TBC1D22A: variants seen among roughly 807,000 people sequenced by gnomAD.
TBC1D22A encodes TBC1 domain family member 22A.
A neutral mutation model predicts 60.2 loss-of-function variants in TBC1D22A; 38 were observed. That is an observed-to-expected ratio of 0.63 (90% CI 0.49 to 0.83). The LOEUF is 0.83. TBC1D22A is among the 40% of genes least tolerant of loss of function. TBC1D22A has a pLI of 0.00. For synonymous variants in TBC1D22A, 302 were observed against 281.7 expected, an observed-to-expected ratio of 1.07 and a Z score of -0.72; for missense variants, 628 against 701.0, an observed-to-expected ratio of 0.90 and a Z score of 1.18.
At position 46,886,441 on chromosome 22, in the gene TBC1D22A, A is replaced by G. The variant is rs922631352; in HGVS notation, c.709-4825A>G. On this transcript the variant is annotated intron_variant, in intron 5 of 12. Coordinates refer to ENST00000337137, the MANE Select transcript of TBC1D22A (RefSeq NM_014346.5). Reference sequence around the variant, plus strand: ...GTTCTCCTCTGGGGCACCTCCTCCCATTGGGTTGGGGATGCGTCTGACACG... The same window carrying G: ...GTTCTCCTCTGGGGCACCTCCTCCCGTTGGGTTGGGGATGCGTCTGACACG... Among the ~76,000 whole-genome samples the G allele has an allele frequency of 1.1e-4, 17 of 152,066 alleles. 2 individuals carry two copies. The highest frequency in any genetic ancestry group is 7.2e-4 in the Admixed American group (11 of 15,286).
intron 11 of TBC1D22A, among the ~76,000 whole-genome samples, chr22:47,059,264 C>G (rs1163007099): frequency 6.6e-6 from 1 of 152,252 alleles, no homozygotes; most frequent in Non-Finnish European, 1.5e-5. Context: ...CTTGAACACA[C>G]TGGTGTGGGT....
intron 10 of TBC1D22A, among the ~76,000 whole-genome samples, chr22:47,024,378 G>C (rs1039184432): frequency 6.6e-6 from 1 of 152,194 alleles, no homozygotes; most frequent in Non-Finnish European, 1.5e-5. Context: ...ATCAGTAGGT[G>C]TGTTCAATGC....
chr22:46,768,556 C>T lies in TBC1D22A; in HGVS notation c.62+5708C>T, dbSNP rs900850407. 5.3e-5 allele frequency among the ~76,000 whole-genome samples: 8 copies of T among 151,526 alleles called. No individual in the cohort carries two copies. The East Asian group carries it at 7.8e-4, about 15-fold the overall frequency. ...CTGACTGTCTGGGCTGGTTCTTTCC[C>T]GGGCCGCTGACTCTCTTGGCTCCCG... On this transcript the variant is annotated intron_variant, in intron 1 of 12. Transcript: ENST00000337137.
intron 8 of TBC1D22A, among the ~76,000 whole-genome samples, chr22:46,943,299 C>T (rs1056487126): frequency 3.3e-5 from 5 of 152,192 alleles, no homozygotes; most frequent in African/African-American, 1.2e-4. Context: ...GGAGGCTGCC[C>T]AGCTGTCCTA....
chr22:46,997,072 C>A (rs576120123), intron 9 of TBC1D22A, among the ~76,000 whole-genome samples: 26 of 152,332 alleles, frequency 1.7e-4, no homozygotes, highest in South Asian at 8.3e-4. Context: ...GCTATGCAGA[C>A]CTTCCTATGT....
At chr22:46,909,106 C>T (rs2069706718) in intron 7 of TBC1D22A, among the ~76,000 whole-genome samples, 1 of 152,136 alleles carries the variant, frequency 6.6e-6, no homozygotes, top group Non-Finnish European at 1.5e-5. Flanking sequence ...TCCTATTTGC[C>T]AAATTGGTTT....
intron 4 of TBC1D22A, among the ~76,000 whole-genome samples, chr22:46,809,805 G>A (rs112132076): frequency 2.8e-3 from 431 of 152,158 alleles, no homozygotes; most frequent in African/African-American, 9.3e-3. Context: ...TGTTCTTACC[G>A]TCGTTTTCCT....
At chr22:47,038,403 G>A (rs1007616906) in intron 11 of TBC1D22A, among the ~76,000 whole-genome samples, 27 of 152,208 alleles carry the variant, frequency 1.8e-4, no homozygotes, top group Non-Finnish European at 1.0e-4. Context: ...CAGGCACTGC[G>A]TTGGGTCCCA....
intron 11 of TBC1D22A, among the ~76,000 whole-genome samples, chr22:47,045,917 C>A (rs181207538): frequency 6.6e-6 from 1 of 152,208 alleles, no homozygotes; most frequent in Admixed American, 6.5e-5. Context: ...GGCACTGCAC[C>A]CCCACAGCAC....
intron 7 of TBC1D22A, among the ~76,000 whole-genome samples, chr22:46,897,551 A>T (rs1212000808): frequency 6.8e-6 from 1 of 147,478 alleles, no homozygotes; most frequent in Non-Finnish European, 1.5e-5. Context: ...TCTGCCACGC[A>T]GAAGAGGGGT....
chr22:46,933,648 C>T (rs1273988734), intron 8 of TBC1D22A, among the ~76,000 whole-genome samples: 1 of 152,118 alleles, frequency 6.6e-6, no homozygotes, highest in Non-Finnish European at 1.5e-5. Flanking sequence ...GCCCCCTGTG[C>T]CAGGGTGGCA....
intron 4 of TBC1D22A, among the ~76,000 whole-genome samples, chr22:46,848,269 C>T (rs376413341): frequency 6.6e-5 from 10 of 152,222 alleles, no homozygotes; most frequent in African/African-American, 9.6e-5. Context: ...GAACTCAGGT[C>T]GTCCTCCACC....
intron 4 of TBC1D22A, among the ~76,000 whole-genome samples, chr22:46,838,756 A>G (rs1480998765): frequency 6.6e-6 from 1 of 152,248 alleles, no homozygotes; most frequent in Non-Finnish European, 1.5e-5. Flanking sequence ...ATGGTTCTAC[A>G]CACACAAGTC....
chr22:47,063,387 G>T (rs1279292631), intron 11 of TBC1D22A, among the ~76,000 whole-genome samples: 2 of 152,272 alleles, frequency 1.3e-5, no homozygotes, highest in Non-Finnish European at 2.9e-5. Context: ...GTTAGGCCCG[G>T]CCTCGTCCTG....
At chr22:46,945,000 G>A (rs1209955760) in intron 8 of TBC1D22A, among the ~76,000 whole-genome samples, 1 of 152,140 alleles carries the variant, frequency 6.6e-6, no homozygotes, top group East Asian at 1.9e-4. Flanking sequence ...AGAGATTGAA[G>A]GAAAATCTGG....
Position 46,952,333 on chromosome 22 carries a change from C to T in TBC1D22A, c.1016-21957C>T, listed in dbSNP as rs184833049. Among the ~76,000 whole-genome samples, 64 of 119,878 alleles carry T rather than the reference C, an allele frequency of 5.3e-4. 2 individuals are homozygous for T. In the East Asian group the frequency reaches 9.0e-3, roughly 17 times the overall value. The allele number at this position is 119,878 out of a possible 152,430, so 78.6% of individuals were successfully genotyped here. A position where few individuals can be genotyped will look rare whatever the true frequency, so the allele number is the denominator to read the frequency against. ...CCTCTGCCTGGGCTGTTGGTTCTCT[C>T]GAGCTTTCTTCTTGACCTTCTCCCC... On this transcript the variant is annotated intron_variant, in intron 8 of 12. Coordinates refer to ENST00000337137, the MANE Select transcript of TBC1D22A (RefSeq NM_014346.5).
At chr22:47,102,200 C>T (rs2065444426) in intron 11 of TBC1D22A, among the ~76,000 whole-genome samples, 1 of 152,218 alleles carries the variant, frequency 6.6e-6, no homozygotes, top group Admixed American at 6.5e-5. Flanking sequence ...TAGCCCGGAG[C>T]CTGGAGAACG....
intron 1 of TBC1D22A, chr22:46,763,378 G>A (rs1426163863): frequency 1.7e-5 from 2 of 115,824 alleles, no homozygotes; most frequent in African/African-American, 6.5e-5. Context: ...CACCTCCTAT[G>A]TTGTGTTAGC....
intron 11 of TBC1D22A, among the ~76,000 whole-genome samples, chr22:47,058,772 A>G (rs1051042263): frequency 1.6e-4 from 25 of 152,136 alleles, no homozygotes; most frequent in African/African-American, 6.0e-4. Flanking sequence ...CCCAGCGCTC[A>G]GAACAGCTTC....
Sources: gnomAD v4.1 joint callset for allele counts (sites outside exome capture counted in the v4.1 genomes callset) on GRCh38, gnomAD v4.1.1 for gene constraint, MANE v1.5 for transcripts, NCBI Gene and HGNC (gene_info 2026-07-23, HGNC 2026-07-21) for gene names.